Variants in DTHD1 observed in about 807,000 individuals in gnomAD.
The protein encoded by DTHD1 is death domain containing 1, also known as death domain-containing protein 1.
Under a neutral mutation model 74.8 loss-of-function variants are expected in DTHD1, and 59 were observed. The observed-to-expected ratio is 0.79, with a 90% confidence interval of 0.64 to 0.98. The LOEUF is 0.98. DTHD1 is among the 50% of genes least tolerant of loss of function. The pLI is 0.00. For missense variants in DTHD1, 1,051 were observed against 1,065.4 expected (o/e 0.99, Z 0.19); for synonymous variants, 365 against 371.1 (o/e 0.98, Z 0.19).
chr4:36,332,260 T>A (rs575038620), intron 8 of DTHD1, among the ~76,000 whole-genome samples: 5 of 145,618 alleles, frequency 3.4e-5, no homozygotes, highest in South Asian at 2.2e-4. Context: ...AATAAAATAA[T>A]AATATTGCTC....
chr4:36,337,549 T>A lies in DTHD1; in HGVS notation c.2341-1563T>A, dbSNP rs534405113. Among the ~76,000 whole-genome samples, 3 of 152,370 alleles carry A rather than the reference T, an allele frequency of 2.0e-5. No individual in the cohort carries two copies. The East Asian group carries it at 5.8e-4, about 29-fold the overall frequency. ...GCTGCATTATTTAAATTAGTATTTC[T>A]TTCTCAATATTTTCAGGGGTTCAAA... is the stretch of plus-strand genomic sequence containing the variant. On this transcript the variant is annotated intron_variant, in intron 8 of 9. Coordinates refer to ENST00000639862, the MANE Select transcript of DTHD1 (RefSeq NM_001170700.3).
At chr4:36,321,140 C>T (rs1049583865) in intron 8 of DTHD1, among the ~76,000 whole-genome samples, 7 of 152,148 alleles carry the variant, frequency 4.6e-5, no homozygotes, top group Admixed American at 4.6e-4. Context: ...AAAGGCTCAA[C>T]GTATAGTGGT....
chr4:36,321,389 T>G (rs763664682), intron 8 of DTHD1, among the ~76,000 whole-genome samples: 2 of 152,142 alleles, frequency 1.3e-5, no homozygotes, highest in Non-Finnish European at 2.9e-5. Flanking sequence ...ATCAGATCAG[T>G]GGCGGCATTT....
chr4:36,336,882 A>C (rs1759037795), intron 8 of DTHD1, among the ~76,000 whole-genome samples: 1 of 152,218 alleles, frequency 6.6e-6, no homozygotes, highest in Admixed American at 6.5e-5. Context: ...AAACTGTGGA[A>C]TAGAACCTCC....
chr4:36,294,960 A>C lies in DTHD1; in HGVS notation c.1564A>C (p.Asn522His). The change falls in exon 5 of 10, where the codon AAC (asparagine) becomes CAC (histidine). Residue 522 changes from asparagine (N) to histidine (H), a missense_variant. By Grantham distance (68) the Asn-to-His change is moderately conservative. Coordinates refer to ENST00000639862, the MANE Select transcript of DTHD1 (RefSeq NM_001170700.3). ...ACCTTGTTCTCCATACCTTGATAAA[A>C]ACAACCTTGGTTCTGAGATAGATCA... ...FLPCSPYLDK[N>H]NLGSEIDHKR... The C allele has an allele frequency of 6.4e-7, 1 of 1,551,620 alleles. No homozygotes were observed. Among genetic ancestry groups the C allele is most frequent in the Non-Finnish European group, 8.7e-7 (1 of 1,146,642 alleles).
chr4:36,295,089 C>G (rs1482032115), intron 5 of DTHD1, 50 bp downstream of exon 5: 1 of 1,420,016 alleles, frequency 7.0e-7, no homozygotes, highest in Admixed American at 2.8e-5. Flanking sequence ...AACAAAGAAG[C>G]TTAGATGATT....
Position 36,306,275 on chromosome 4 carries a change from T to C in DTHD1, c.1728T>C (p.Gly576=). Residue 576 remains glycine (G), a synonymous_variant, in exon 6 of 10, where the codon GGT becomes GGC. Coordinates refer to ENST00000639862, the MANE Select transcript of DTHD1 (RefSeq NM_001170700.3). ...TGGGATTCAGAAGCCAAGACAGTGG[T>C]TGGTGTGGGCTTGATGATGTTGTGA... ...KLLGFRSQDS[G]WCGLDDVVKT... 1.3e-6 allele frequency: 2 copies of C among 1,551,654 alleles called. No individual in the cohort carries two copies. The highest frequency in any genetic ancestry group is 1.7e-6 in the Non-Finnish European group (2 of 1,146,970).
At chr4:36,339,461 A>T (rs1759196251) in intron 9 of DTHD1, among the ~76,000 whole-genome samples, 1 of 152,228 alleles carries the variant, frequency 6.6e-6, no homozygotes, top group Admixed American at 6.5e-5. Flanking sequence ...TTACTAATAG[A>T]TGACTATACT....
chr4:36,293,047 G>A (rs1756176666), intron 3 of DTHD1, among the ~76,000 whole-genome samples: 1 of 152,200 alleles, frequency 6.6e-6, no homozygotes, highest in Non-Finnish European at 1.5e-5. Context: ...AAGATACTGT[G>A]AGCTATTAGA....
At chr4:36,339,813 A>C (rs1193257199) in intron 9 of DTHD1, among the ~76,000 whole-genome samples, 1 of 152,182 alleles carries the variant, frequency 6.6e-6, no homozygotes, top group Non-Finnish European at 1.5e-5. Flanking sequence ...GCCCTTACGG[A>C]TTGGTACAGA....
At chr4:36,326,309 T>C (rs61796635) in intron 8 of DTHD1, among the ~76,000 whole-genome samples, 42,181 of 149,332 alleles carry the variant, frequency 0.28, 6,210 homozygotes, top group South Asian at 0.38. Flanking sequence ...TCCATTATAA[T>C]TTTTATTTAT....
intron 8 of DTHD1, among the ~76,000 whole-genome samples, chr4:36,323,668 G>T (rs570053710): frequency 5.3e-5 from 8 of 151,954 alleles, no homozygotes; most frequent in Admixed American, 2.0e-4. Flanking sequence ...TCTTGCTGTG[G>T]TTTTTGAGGG....
At position 36,306,199 on chromosome 4, in the gene DTHD1, T is replaced by A; in HGVS notation, c.1652T>A (p.Ile551Asn). The A allele has an allele frequency of 6.4e-7, 1 of 1,551,666 alleles. No homozygotes were observed. The highest frequency in any genetic ancestry group is 8.7e-7 in the Non-Finnish European group (1 of 1,146,908). The change falls in exon 6 of 10, where the codon ATT becomes AAT. Residue 551 changes from isoleucine to asparagine, a missense_variant. Coordinates refer to ENST00000639862, the MANE Select transcript of DTHD1 (RefSeq NM_001170700.3). The part of the protein sequence containing the change: ...ITPSYFNRTK[I>N]ASIRKPRKNA... ...CTGTTACCATTATATAGGACAAAAA[T>A]TGCCTCCATAAGAAAACCTAGGAAA...
chr4:36,309,754 A>C (rs1757278011), intron 7 of DTHD1, among the ~76,000 whole-genome samples: 1 of 152,210 alleles, frequency 6.6e-6, no homozygotes, highest in Admixed American at 6.5e-5. Flanking sequence ...ACTTTAATCA[A>C]ATACACTGAA....
At chr4:36,300,870 G>C (rs1756728834) in intron 5 of DTHD1, among the ~76,000 whole-genome samples, 1 of 152,106 alleles carries the variant, frequency 6.6e-6, no homozygotes. Flanking sequence ...AATAAGATTT[G>C]TTTCATGTGT....
rs916376956 is a variant in DTHD1 at position 36,346,298 on chromosome 4, A to G, written c.*2474A>G. On this transcript the variant is annotated 3_prime_UTR_variant, in exon 10 of 10. Coordinates refer to ENST00000639862, the MANE Select transcript of DTHD1 (RefSeq NM_001170700.3). ...GTTACCACTTCACCTGCACATATAC[A>G]ATCTCATTAAAACACTCCCTGTCAT... Among the ~76,000 whole-genome samples, 1 of 151,618 alleles carries G rather than the reference A, an allele frequency of 6.6e-6. No individual in the cohort carries two copies. Among genetic ancestry groups the G allele is most frequent in the Non-Finnish European group, 1.5e-5 (1 of 67,862 alleles).
At chr4:36,295,175 ATAT>A in intron 5 of DTHD1, 136 bp downstream of exon 5, 1 of 1,149,150 alleles carries the variant, frequency 8.7e-7, no homozygotes, top group East Asian at 2.8e-5. Flanking sequence ...TAGAAAGAAG[ATAT>A]TGTGGATCCA....
At chr4:36,339,447 T>C (rs956118771) in intron 9 of DTHD1, among the ~76,000 whole-genome samples, 6 of 152,206 alleles carry the variant, frequency 3.9e-5, no homozygotes, top group Non-Finnish European at 5.9e-5. Context: ...AGCAATTGCT[T>C]AGTTTACTAA....
chr4:36,329,926 T>A (rs983223749), intron 8 of DTHD1, among the ~76,000 whole-genome samples: 1 of 152,238 alleles, frequency 6.6e-6, no homozygotes, highest in Non-Finnish European at 1.5e-5. Flanking sequence ...AGTATTTATA[T>A]AGATGAAATT....
Sources: allele counts gnomAD v4.1 joint callset (sites outside exome capture counted in the v4.1 genomes callset), GRCh38; gene constraint gnomAD v4.1.1; transcripts MANE v1.5; gene names NCBI Gene and HGNC (gene_info 2026-07-23, HGNC 2026-07-21).